Variants in FTCDNL1 observed in about 807,000 individuals in gnomAD.
The protein encoded by FTCDNL1 is formiminotransferase N-terminal subdomain-containing protein.
Under a neutral mutation model 5.9 loss-of-function variants are expected in FTCDNL1, and 11 were observed. The observed-to-expected ratio is 1.87, with a 90% CI of 1.18 to 3.10. The LOEUF is 3.10. FTCDNL1 is among the 30% of genes most tolerant of loss of function. The pLI is 0.00. For missense variants in FTCDNL1, 115 were observed against 65.5 expected (o/e 1.76, Z -2.61); for synonymous variants, 58 against 24.8 (o/e 2.34, Z -3.99).
At chr2:199,734,343 TAGAC>T in the FTCDNL1 span, among the ~76,000 whole-genome samples, 1 of 152,232 alleles carries the variant, frequency 6.6e-6, no homozygotes, top group Non-Finnish European at 1.5e-5. Flanking sequence ...AAGGTACCAT[TAGAC>T]AGAGAAGAAA....
downstream of FTCDNL1, among the ~76,000 whole-genome samples, chr2:199,756,363 G>T (rs1698072617): frequency 6.6e-6 from 1 of 152,194 alleles, no homozygotes; most frequent in Non-Finnish European, 1.5e-5. Flanking sequence ...GAAAGGGCGT[G>T]GGGGTGGGAG....
intron 1 of FTCDNL1, among the ~76,000 whole-genome samples, chr2:199,850,143 G>A (rs2076836652): frequency 6.6e-6 from 1 of 152,144 alleles, no homozygotes; most frequent in African/African-American, 2.4e-5. Context: ...AGGTTTGCAG[G>A]CAGGTTTTCA....
chr2:199,846,136 T>C lies in FTCDNL1; in HGVS notation c.150A>G (p.Ile50Met), dbSNP rs745463160. Residue 50 changes from isoleucine (I) to methionine (M), a missense_variant, in exon 3 of 5, where the codon ATA (isoleucine) becomes ATG (methionine). Transcript: ENST00000420128. ...ATCTCTTGTAGTCTTGATCGGAAAA[T>C]ATATTGAGCACTGAAACTTGAGGAT... ...KKHPQVSVLN[I>M]FSDQDYKRSV... 2.7e-5 allele frequency: 19 copies of C among 699,458 alleles called. No homozygotes were observed. The highest frequency in any genetic ancestry group is 4.2e-5 in the Non-Finnish European group (16 of 383,702). The allele number at this position is 699,458 out of a possible 1,614,324, so 43.3% of individuals were successfully genotyped here.
intron 1 of FTCDNL1, 51 bp from the exon 2 acceptor site, chr2:199,849,020 CATGTTTTA>C: frequency 1.5e-6 from 1 of 672,480 alleles, no homozygotes; most frequent in East Asian, 2.7e-5. Flanking sequence ...TTCATATTTT[CATGTTTTA>C]ACTATAAAAA....
At chr2:199,770,803 T>C (rs1210468602) in intron 3 of FTCDNL1, among the ~76,000 whole-genome samples, 2 of 152,220 alleles carry the variant, frequency 1.3e-5, no homozygotes, top group African/African-American at 4.8e-5. Context: ...CACAGCTACA[T>C]GCTGAATAGA....
the FTCDNL1 span, among the ~76,000 whole-genome samples, chr2:199,668,413 C>G: frequency 6.6e-6 from 1 of 151,988 alleles, no homozygotes; most frequent in African/African-American, 2.4e-5. Context: ...GAAACTTCTC[C>G]CTTAATACAA....
chr2:199,821,123 T>C (rs1282263858), intron 3 of FTCDNL1, among the ~76,000 whole-genome samples: 1 of 152,036 alleles, frequency 6.6e-6, no homozygotes, highest in Non-Finnish European at 1.5e-5. Flanking sequence ...TAAAAAGTCT[T>C]GGGAAATGTT....
exon 4 of FTCDNL1, chr2:199,760,599 A>G (rs1396024460): frequency 9.6e-6 from 5 of 519,224 alleles, no homozygotes; most frequent in Non-Finnish European, 1.7e-5. Flanking sequence ...TTTTTAAAAG[A>G]TACATGGGGA....
chr2:199,844,284 C>T (rs939996844), intron 3 of FTCDNL1: 29 of 422,256 alleles, frequency 6.9e-5, no homozygotes, highest in African/African-American at 5.3e-4. Context: ...CAACTTTTCC[C>T]GGGGGCTGAG....
chr2:199,737,555 G>A, the FTCDNL1 span, among the ~76,000 whole-genome samples: 2 of 152,222 alleles, frequency 1.3e-5, no homozygotes, highest in Middle Eastern at 3.4e-3. Context: ...TTTCATAGTG[G>A]TGCTAAAATG....
At chr2:199,790,126 T>C (rs1699848473) in intron 3 of FTCDNL1, among the ~76,000 whole-genome samples, 1 of 152,092 alleles carries the variant, frequency 6.6e-6, no homozygotes, top group African/African-American at 2.4e-5. Context: ...AAAACACTTT[T>C]GAAAGACTAT....
At chr2:199,824,665 G>C (rs1411264564) in intron 3 of FTCDNL1, among the ~76,000 whole-genome samples, 2 of 152,108 alleles carry the variant, frequency 1.3e-5, no homozygotes, top group Non-Finnish European at 2.9e-5. Flanking sequence ...TTATTAATTG[G>C]CCTAATTTCA....
the FTCDNL1 span, among the ~76,000 whole-genome samples, chr2:199,736,150 T>G: frequency 1.2e-4 from 19 of 152,274 alleles, 1 homozygote; most frequent in African/African-American, 4.3e-4. Flanking sequence ...TAAGCAAAGC[T>G]CTCCAAGCTT....
the FTCDNL1 span, among the ~76,000 whole-genome samples, chr2:199,724,263 A>G: frequency 1.3e-5 from 2 of 150,990 alleles, no homozygotes; most frequent in South Asian, 4.2e-4. Context: ...TGTCCATTTG[A>G]TTCTTCTCTC....
chr2:199,733,433 G>A, the FTCDNL1 span, among the ~76,000 whole-genome samples: 2 of 152,338 alleles, frequency 1.3e-5, no homozygotes, highest in South Asian at 2.1e-4. Context: ...AGATGCCTGA[G>A]AAGTTAAGTT....
At chr2:199,819,336 A>G (rs1022456825) in intron 4 of FTCDNL1, 8 of 520,566 alleles carry the variant, frequency 1.5e-5, no homozygotes, top group Non-Finnish European at 2.8e-5. Context: ...GGCTAATGAT[A>G]TATCTTGAAT....
chr2:199,842,626 C>T (rs1174056247), intron 3 of FTCDNL1, among the ~76,000 whole-genome samples: 1 of 152,162 alleles, frequency 6.6e-6, no homozygotes, highest in Non-Finnish European at 1.5e-5. Flanking sequence ...TCATCCTGGA[C>T]CCACCTTAAG....
intron 3 of FTCDNL1, among the ~76,000 whole-genome samples, chr2:199,799,869 G>C (rs1248418422): frequency 6.6e-6 from 1 of 152,266 alleles, no homozygotes; most frequent in East Asian, 1.9e-4. Context: ...AGGTGAGAAA[G>C]AAAGTGCTTG....
the FTCDNL1 span, among the ~76,000 whole-genome samples, chr2:199,707,961 T>G: frequency 1.0e-3 from 159 of 152,252 alleles, 4 homozygotes; most frequent in East Asian, 0.024. Flanking sequence ...ATCTATAGAT[T>G]GATAATTTTT....
Sources: allele counts gnomAD v4.1 joint callset (sites outside exome capture counted in the v4.1 genomes callset), GRCh38; gene constraint gnomAD v4.1.1; transcripts MANE v1.5; gene names NCBI Gene and HGNC (gene_info 2026-07-23, HGNC 2026-07-21).